The following THRB variants were observed in gnomAD, a reference collection of about 807,000 sequenced individuals.
The protein encoded by THRB is thyroid hormone receptor beta, also known as nuclear receptor subfamily 1 group A member 2.
Under a neutral mutation model 47.8 loss-of-function variants are expected in THRB, and 12 were observed. The ratio of observed to expected loss-of-function variants is 0.25; its 90% confidence interval spans 0.16 to 0.41. The LOEUF is 0.41. Ranked by LOEUF, THRB falls within the 10% of genes least tolerant of loss-of-function variation. The pLI is 1.00. For synonymous variants in THRB, 218 were observed against 212.2 expected (o/e 1.03, Z -0.24); for missense variants, 348 against 589.2 (o/e 0.59, Z 4.24).
At chr3:24,391,803 T>C (rs2066592289) in intron 1 of THRB, among the ~76,000 whole-genome samples, 1 of 152,184 alleles carries the variant, frequency 6.6e-6, no homozygotes, top group Non-Finnish European at 1.5e-5. Flanking sequence ...CCATTATTGC[T>C]TGAGCACTTT....
At chr3:24,311,485 A>C (rs1018433037) in intron 2 of THRB, among the ~76,000 whole-genome samples, 1 of 152,144 alleles carries the variant, frequency 6.6e-6, no homozygotes, top group South Asian at 2.1e-4. Flanking sequence ...TGCTACAAAG[A>C]AAACCTGATC....
intron 1 of THRB, among the ~76,000 whole-genome samples, chr3:24,357,346 CAAAAAAAAAAAAAAAAA>C (rs781709724): frequency 7.0e-5 from 2 of 28,714 alleles, no homozygotes; most frequent in South Asian, 2.3e-3. Context: ...TTGTCTCTCC[CAAAAAAAAAAAAAAAAA>C]AAAAAAAAAA....
At chr3:24,285,705 C>T (rs1053504150) in intron 3 of THRB, among the ~76,000 whole-genome samples, 2 of 152,000 alleles carry the variant, frequency 1.3e-5, no homozygotes, top group Non-Finnish European at 2.9e-5. Context: ...ACTAAAATGC[C>T]CAAGAAAACA....
intron 7 of THRB, chr3:24,144,437 T>C (rs2035840890): frequency 6.6e-6 from 1 of 152,624 alleles, no homozygotes; most frequent in South Asian, 2.1e-4. Flanking sequence ...CCTTAGGTTC[T>C]CTGAGCTTTC....
chr3:24,468,147 T>A (rs917251262), intron 1 of THRB, among the ~76,000 whole-genome samples: 1 of 152,202 alleles, frequency 6.6e-6, no homozygotes, highest in Non-Finnish European at 1.5e-5. Context: ...AACTTCACAT[T>A]TTTCTTCTGC....
At chr3:24,468,282 C>T (rs893513914) in intron 1 of THRB, among the ~76,000 whole-genome samples, 2 of 152,180 alleles carry the variant, frequency 1.3e-5, no homozygotes, top group South Asian at 4.1e-4. Context: ...AAAACTTTTT[C>T]CACATTAGAA....
At chr3:24,200,473 C>T (rs2044462584) in intron 4 of THRB, among the ~76,000 whole-genome samples, 1 of 152,148 alleles carries the variant, frequency 6.6e-6, no homozygotes, top group South Asian at 2.1e-4. Context: ...TGGTATACAT[C>T]ACCCTGTAAA....
At chr3:24,247,652 A>G (rs987087792) in intron 3 of THRB, among the ~76,000 whole-genome samples, 5 of 152,140 alleles carry the variant, frequency 3.3e-5, no homozygotes, top group African/African-American at 4.8e-5. Flanking sequence ...TCATTTTATC[A>G]TCTCTTTTAC....
chr3:24,370,761 A>G (rs75865692), intron 1 of THRB, among the ~76,000 whole-genome samples: 15 of 152,198 alleles, frequency 9.9e-5, no homozygotes, highest in African/African-American at 3.6e-4. Flanking sequence ...ACAAATTCAG[A>G]TGGGCACAAG....
At chr3:24,242,337 T>C (rs1357978286) in intron 3 of THRB, among the ~76,000 whole-genome samples, 3 of 152,162 alleles carry the variant, frequency 2.0e-5, no homozygotes, top group South Asian at 4.1e-4. Flanking sequence ...TTCCGAACAA[T>C]AGAACCAGAT....
intron 4 of THRB, among the ~76,000 whole-genome samples, chr3:24,197,051 C>T (rs2044036790): frequency 1.3e-5 from 2 of 152,232 alleles, no homozygotes; most frequent in African/African-American, 4.8e-5. Context: ...TTTCTTAACA[C>T]TCATAGTGGC....
intron 2 of THRB, among the ~76,000 whole-genome samples, chr3:24,306,628 G>GT (rs11339588): frequency 2.4e-4 from 36 of 149,836 alleles, no homozygotes; most frequent in African/African-American, 3.2e-4. Flanking sequence ...CTGATCTCAG[G>GT]TTTTTTTTTT....
At chr3:24,407,591 C>T (rs936296854) in intron 1 of THRB, among the ~76,000 whole-genome samples, 1 of 151,852 alleles carries the variant, frequency 6.6e-6, no homozygotes, top group African/African-American at 2.4e-5. Context: ...AAATTGCATA[C>T]AAGAGACCTT....
chr3:24,347,320 T>C (rs1241654726), intron 1 of THRB, among the ~76,000 whole-genome samples: 3 of 151,908 alleles, frequency 2.0e-5, no homozygotes, highest in Non-Finnish European at 4.4e-5. Flanking sequence ...AGACAGTCAA[T>C]GATTTAAGTA....
chr3:24,408,774 C>T (rs1290582816), intron 1 of THRB, among the ~76,000 whole-genome samples: 1 of 151,708 alleles, frequency 6.6e-6, no homozygotes, highest in African/African-American at 2.4e-5. Flanking sequence ...ACCAACAAGA[C>T]ACATTTTCAT....
intron 1 of THRB, among the ~76,000 whole-genome samples, chr3:24,339,284 T>C (rs1270459656): frequency 6.6e-6 from 1 of 152,232 alleles, no homozygotes; most frequent in East Asian, 1.9e-4. Context: ...ACAGCATTTA[T>C]TAAACACACA....
intron 3 of THRB, among the ~76,000 whole-genome samples, chr3:24,243,538 C>T (rs562487751): frequency 6.6e-6 from 1 of 152,140 alleles, no homozygotes; most frequent in South Asian, 2.1e-4. Flanking sequence ...CCCTCACCTC[C>T]ATTAAGGGTT....
intron 9 of THRB, among the ~76,000 whole-genome samples, chr3:24,130,125 T>C (rs569033059): frequency 6.6e-6 from 1 of 152,282 alleles, no homozygotes; most frequent in African/African-American, 2.4e-5. Context: ...AGAAAGTACA[T>C]GCAAAGGTGC....
At chr3:24,413,722 C>G (rs529499874) in intron 1 of THRB, among the ~76,000 whole-genome samples, 1 of 151,720 alleles carries the variant, frequency 6.6e-6, no homozygotes, top group Non-Finnish European at 1.5e-5. Context: ...CCCCCATCCC[C>G]GACCCCACGA....
Sources: allele counts gnomAD v4.1 joint callset (sites outside exome capture counted in the v4.1 genomes callset), GRCh38; gene constraint gnomAD v4.1.1; transcripts MANE v1.5; gene names NCBI Gene and HGNC (gene_info 2026-07-23, HGNC 2026-07-21).